RAB3GAP1: variants seen among roughly 807,000 people sequenced by gnomAD.
RAB3GAP1 encodes rab3 GTPase-activating protein catalytic subunit.
Under a neutral mutation model 130.7 loss-of-function variants are expected in RAB3GAP1, and 86 were observed. The observed-to-expected ratio is 0.66, with a 90% confidence interval of 0.55 to 0.79. The LOEUF is 0.79. RAB3GAP1 is among the 30% of genes least tolerant of loss of function. RAB3GAP1 has a pLI of 0.00. For missense variants in RAB3GAP1, 1,029 were observed against 1,169.4 expected, an observed-to-expected ratio of 0.88 and a Z score of 1.75; for synonymous variants, 367 against 401.7, an observed-to-expected ratio of 0.91 and a Z score of 1.03.
intron 4 of RAB3GAP1, among the ~76,000 whole-genome samples, chr2:135,091,687 G>A (rs1690145598): frequency 6.6e-6 from 1 of 152,144 alleles, no homozygotes; most frequent in Admixed American, 6.6e-5. Context: ...GTAAAATGAA[G>A]TAATACTACC....
intron 5 of RAB3GAP1, among the ~76,000 whole-genome samples, chr2:135,106,073 C>A (rs1243589848): frequency 4.6e-5 from 7 of 151,854 alleles, no homozygotes; most frequent in Non-Finnish European, 1.0e-4. Context: ...CGTCTCGGCC[C>A]GGCAGCCGCC....
At chr2:135,077,521 A>G (rs775306392) in intron 3 of RAB3GAP1, among the ~76,000 whole-genome samples, 18 of 152,214 alleles carry the variant, frequency 1.2e-4, no homozygotes, top group Non-Finnish European at 1.8e-4. Flanking sequence ...GCGAGACCCT[A>G]TCTCTACCAA....
chr2:135,071,007 T>C (rs887015452), intron 3 of RAB3GAP1, among the ~76,000 whole-genome samples: 1 of 152,246 alleles, frequency 6.6e-6, no homozygotes, highest in African/African-American at 2.4e-5. Flanking sequence ...TATTTCATGT[T>C]GACAGAATTT....
chr2:135,052,834 G>T (rs1455442055), intron 2 of RAB3GAP1, among the ~76,000 whole-genome samples: 2 of 152,152 alleles, frequency 1.3e-5, no homozygotes, highest in Admixed American at 1.3e-4. Flanking sequence ...TTTCATTACC[G>T]TTTAACTCAT....
chr2:135,150,164 G>C (rs1692133401), intron 17 of RAB3GAP1, among the ~76,000 whole-genome samples: 1 of 152,128 alleles, frequency 6.6e-6, no homozygotes, highest in Non-Finnish European at 1.5e-5. Context: ...TTATCTGTGA[G>C]GGGGAGGAGG....
In RAB3GAP1 at chr2:135,126,220, A is replaced by G. The variant is rs764205684; in HGVS notation, c.870A>G (p.Glu290=). 9 of 1,613,354 alleles carry G rather than the reference A, an allele frequency of 5.6e-6. No homozygotes were observed. The highest frequency in any genetic ancestry group is 1.1e-5 in the South Asian group (1 of 91,036). Residue 290 remains glutamate (E), a synonymous_variant, in exon 10 of 24, where the codon GAA becomes GAG. Transcript: ENST00000264158. ...HLATTWPHLT[E]GIIVDNDVYS... is the part of the protein sequence containing the mutation. ...CTACTACATGGCCTCATCTGACCGA[A>G]GGGATCATTGTGGATAATGATGTTT...
chr2:135,062,073 C>A (rs974826195), intron 3 of RAB3GAP1, among the ~76,000 whole-genome samples: 30 of 152,026 alleles, frequency 2.0e-4, no homozygotes, highest in Admixed American at 8.5e-4. Flanking sequence ...GTCACCCAGG[C>A]TGGAGTGCTT....
intron 3 of RAB3GAP1, among the ~76,000 whole-genome samples, chr2:135,084,770 G>C (rs1482324902): frequency 1.3e-5 from 2 of 152,152 alleles, no homozygotes; most frequent in African/African-American, 4.8e-5. Flanking sequence ...TACCGGGGCT[G>C]CAAAGATGAA....
At chr2:135,164,454 G>A (rs1692569922) in intron 22 of RAB3GAP1, 140 bp from the exon 23 acceptor site, 1 of 690,452 alleles carries the variant, frequency 1.4e-6, no homozygotes, top group Non-Finnish European at 2.7e-6. Context: ...TTATCTTGCT[G>A]TAAAATTTCA....
intron 19 of RAB3GAP1, among the ~76,000 whole-genome samples, chr2:135,157,435 G>A (rs1382637841): frequency 6.6e-6 from 1 of 152,160 alleles, no homozygotes; most frequent in Non-Finnish European, 1.5e-5. Context: ...CCACACCGAC[G>A]GGGATTGGTG....
chr2:135,052,663 G>C (rs926145960), intron 2 of RAB3GAP1, among the ~76,000 whole-genome samples, 178 bp downstream of exon 2: 12 of 152,160 alleles, frequency 7.9e-5, no homozygotes, highest in Admixed American at 2.0e-4. Flanking sequence ...CGCGTCTCGC[G>C]TCTGGCAACA....
intron 18 of RAB3GAP1, among the ~76,000 whole-genome samples, chr2:135,150,922 A>G (rs1692155887): frequency 6.6e-6 from 1 of 152,142 alleles, no homozygotes; most frequent in Non-Finnish European, 1.5e-5. Context: ...CCTCAGTTAC[A>G]GTTGATTGAG....
At chr2:135,056,307 A>G (rs1331085127) in intron 2 of RAB3GAP1, among the ~76,000 whole-genome samples, 1 of 151,926 alleles carries the variant, frequency 6.6e-6, no homozygotes, top group Admixed American at 6.6e-5. Context: ...GGTTCAACCA[A>G]TTCTCCTGCA....
At chr2:135,074,171 A>G (rs1689555619) in intron 3 of RAB3GAP1, among the ~76,000 whole-genome samples, 1 of 152,212 alleles carries the variant, frequency 6.6e-6, no homozygotes, top group Non-Finnish European at 1.5e-5. Flanking sequence ...ACCTGGTTTA[A>G]GATGTCTGGA....
intron 22 of RAB3GAP1, among the ~76,000 whole-genome samples, chr2:135,163,454 T>C (rs1056605743): frequency 6.6e-6 from 1 of 152,232 alleles, no homozygotes; most frequent in Non-Finnish European, 1.5e-5. Flanking sequence ...TTACTATTCC[T>C]TGACCACAGG....
chr2:135,117,516 T>G (rs1558784239), intron 7 of RAB3GAP1, among the ~76,000 whole-genome samples: 3 of 145,690 alleles, frequency 2.1e-5, no homozygotes, highest in African/African-American at 2.6e-5. Context: ...TTCTTCTGCT[T>G]CTTCTGCTTC....
chr2:135,073,161 A>G (rs1050570762), intron 3 of RAB3GAP1, among the ~76,000 whole-genome samples: 3 of 152,224 alleles, frequency 2.0e-5, no homozygotes, highest in African/African-American at 7.2e-5. Flanking sequence ...ATTGCCGAGG[A>G]CTGGTGAGAG....
chr2:135,137,205 C>T, intron 17 of RAB3GAP1: 1 of 413,676 alleles, frequency 2.4e-6, no homozygotes, highest in Non-Finnish European at 4.8e-6. Context: ...GACTTGATAC[C>T]TACGATGGCT....
At chr2:135,124,683 C>T (rs1691300959) in intron 9 of RAB3GAP1, among the ~76,000 whole-genome samples, 1 of 152,058 alleles carries the variant, frequency 6.6e-6, no homozygotes, top group Non-Finnish European at 1.5e-5. Context: ...AAAGAAAGAC[C>T]TACACTTGCT....
Sources: allele counts gnomAD v4.1 joint callset (sites outside exome capture counted in the v4.1 genomes callset), GRCh38; gene constraint gnomAD v4.1.1; transcripts MANE v1.5; gene names NCBI Gene and HGNC (gene_info 2026-07-23, HGNC 2026-07-21).